HMCN2: variants seen among roughly 807,000 people sequenced by gnomAD.
HMCN2 encodes hemicentin 2.
HMCN2 carries 325 observed loss-of-function variants against 377.5 expected under a neutral mutation model. That is an observed-to-expected ratio of 0.86 (90% CI 0.79 to 0.94). The LOEUF is 0.94. Among genes scored for constraint, HMCN2 ranks in the 40% least tolerant of loss-of-function variants. The probability of loss-of-function intolerance (pLI) is 0.00; values close to 1 mark genes in which losing one functional copy is unlikely to be tolerated. For synonymous variants in HMCN2, 2,007 were observed against 2,046.8 expected (o/e 0.98, Z 0.53); for missense variants, 4,543 against 4,725.3 (o/e 0.96, Z 1.13).
At chr9:130,389,640 T>A (rs1285020762) in intron 62 of HMCN2, among the ~76,000 whole-genome samples, 1 of 151,874 alleles carries the variant, frequency 6.6e-6, no homozygotes, top group Non-Finnish European at 1.5e-5. Context: ...AGTGCCACAA[T>A]CTCGGCTCAC....
chr9:130,325,104 T>C (rs1258923899), intron 19 of HMCN2, among the ~76,000 whole-genome samples: 1 of 149,876 alleles, frequency 6.7e-6, no homozygotes, highest in African/African-American at 2.4e-5. Context: ...TTCTTTTTTT[T>C]TTTTTTTGTA....
Position 130,396,190 on chromosome 9 carries a change from G to C in HMCN2, c.11075G>C (p.Gly3692Ala). 7.8e-7 allele frequency: 1 copy of C among 1,280,864 alleles called. No individual in the cohort carries two copies. The highest frequency in any genetic ancestry group is 1.0e-6 in the Non-Finnish European group (1 of 981,862). 79.3% of individuals were successfully genotyped at this position (1,280,864 alleles called of 1,614,324 possible). ...EIHTVPTIRS[G>A]PPAVNVSVNQ... ...CCAGCGGTGCCCACCATCCGGTCAG[G>C]ACCACCTGCAGTGAACGTCTCAGTG... is the stretch of plus-strand genomic sequence containing the variant. The change falls in exon 73 of 98, where the codon GGA (glycine) becomes GCA (alanine). Residue 3692 changes from glycine (G) to alanine (A), a missense_variant. Gly to Ala is a moderately conservative substitution (Grantham distance 60). This residue lies in a region of HMCN2 where 1,073 missense variants were observed against 1,319.5 expected (regional missense o/e 0.81). Transcript: ENST00000683500.
At chr9:130,278,052 T>C (rs113121045) in intron 1 of HMCN2, among the ~76,000 whole-genome samples, 67,924 of 83,072 alleles carry the variant, frequency 0.82, 28,267 homozygotes, top group African/African-American at 0.92. Context: ...CCATCATCAT[T>C]ACCACCACCA....
At chr9:130,399,684 C>T (rs908000009) in intron 76 of HMCN2, 52 bp downstream of exon 76, 1 of 1,228,930 alleles carries the variant, frequency 8.1e-7, no homozygotes. Flanking sequence ...GCAGCGCCTT[C>T]CCGCTCTTGG....
chr9:130,369,179 G>T lies in HMCN2; in HGVS notation c.6788-391G>T, dbSNP rs11243797. 0.022 allele frequency among the ~76,000 whole-genome samples: 3,310 copies of T among 152,246 alleles called. 39 individuals are homozygous for T. Among genetic ancestry groups the T allele is most frequent in the Middle Eastern group, 0.058 (17 of 292 alleles). On this transcript the variant is annotated intron_variant, in intron 44 of 97. Coordinates refer to ENST00000683500, the MANE Select transcript of HMCN2 (RefSeq NM_001291815.2). The surrounding 1 kb of genome is among the most constrained non-coding windows in gnomAD (Gnocchi z 4.5). Reference sequence around the variant, plus strand: ...GTGATGAAATGAAATCCCCCAGCCTGGTAAAAATCCTGCTAGAAAATAAAA... The same window carrying T: ...GTGATGAAATGAAATCCCCCAGCCTTGTAAAAATCCTGCTAGAAAATAAAA...
chr9:130,275,351 G>A (rs1554922653), intron 1 of HMCN2, among the ~76,000 whole-genome samples: 1 of 152,212 alleles, frequency 6.6e-6, no homozygotes, highest in African/African-American at 2.4e-5. Context: ...CCACACACTT[G>A]CCTGGGAGCT....
At chr9:130,402,587 G>A (rs370805186) in intron 77 of HMCN2, among the ~76,000 whole-genome samples, 40 of 152,290 alleles carry the variant, frequency 2.6e-4, no homozygotes, top group African/African-American at 8.4e-4. Flanking sequence ...GAAGGAACTC[G>A]CCCATGTCTC....
intron 23 of HMCN2, among the ~76,000 whole-genome samples, chr9:130,339,482 C>CACAGGA (rs1838935610): frequency 6.6e-6 from 1 of 152,154 alleles, no homozygotes; most frequent in Non-Finnish European, 1.5e-5. Flanking sequence ...GTGAGAGAGA[C>CACAGGA]ACAGGAACAG....
Position 130,428,100 on chromosome 9 carries a change from G to A in HMCN2, c.14066-258G>A, listed in dbSNP as rs1396739482. On this transcript the variant is annotated intron_variant, in intron 92 of 97. Transcript: ENST00000683500. The surrounding 1 kb of genome is among the most constrained non-coding windows in gnomAD (Gnocchi z 5.0). The stretch of plus-strand genomic sequence containing the variant: ...CCAAGTCTCCGCTGGGCTCCAAGCC[G>A]GGTGCCCAAGGGGACGTTGTCTGCA... 6.6e-6 allele frequency among the ~76,000 whole-genome samples: 1 copy of A among 152,298 alleles called. No homozygotes were observed. The highest frequency in any genetic ancestry group is 1.5e-5 in the Non-Finnish European group (1 of 68,020).
At position 130,383,572 on chromosome 9, in the gene HMCN2, T is replaced by C. The variant is rs1225917560; in HGVS notation, c.8802T>C (p.Ala2934=). 2 of 985,840 alleles carry C rather than the reference T, an allele frequency of 2.0e-6. No individual in the cohort carries two copies. Among genetic ancestry groups the C allele is most frequent in the African/African-American group, 3.5e-5 (2 of 57,230 alleles). The allele number at this position is 985,840 out of a possible 1,614,324, so 61.1% of individuals were successfully genotyped here. ...TGGCCGAGAACCAGGCGGGCTCCGC[T>C]GAGAAGCTCTTCACCCTCAGGGTTC... is the stretch of plus-strand genomic sequence containing the variant. The part of the protein sequence containing the change: ...MCVAENQAGS[A]EKLFTLRVQV... The change falls in exon 57 of 98, where the codon GCT becomes GCC. Residue 2934 remains alanine (A), a synonymous_variant. Transcript: ENST00000683500.
intron 84 of HMCN2, among the ~76,000 whole-genome samples, chr9:130,409,963 C>A (rs971411100): frequency 6.6e-6 from 1 of 152,172 alleles, no homozygotes; most frequent in South Asian, 2.1e-4. Context: ...TGTGAGCCAG[C>A]GCGCCACCTG....
In HMCN2 at chr9:130,431,464, C is replaced by G. The variant is rs1392741112; in HGVS notation, c.14745C>G (p.Leu4915=). The G allele has an allele frequency of 1.3e-6, 2 of 1,549,652 alleles. No individual in the cohort carries two copies. The highest frequency in any genetic ancestry group is 2.7e-5 in the African/African-American group (2 of 73,052). The change falls in exon 96 of 98, where the codon CTC becomes CTG. Residue 4915 remains leucine, a synonymous_variant. Transcript: ENST00000683500. ...QCLCPAGYRL[L]PSGKNCQDIN... ...TGTGCCCCGCCGGCTACCGTCTGCT[C>G]CCCAGCGGGAAGAACTGCCAGGGTG...
chr9:130,426,981 C>G (rs1193162923), intron 90 of HMCN2, among the ~76,000 whole-genome samples: 3 of 152,174 alleles, frequency 2.0e-5, no homozygotes, highest in Non-Finnish European at 4.4e-5. Flanking sequence ...CCCCTCCGCA[C>G]GGTCTCTGTG....
intron 22 of HMCN2, among the ~76,000 whole-genome samples, chr9:130,337,329 C>G (rs1284764344): frequency 1.3e-5 from 2 of 152,054 alleles, no homozygotes; most frequent in Admixed American, 6.6e-5. Flanking sequence ...CAGTTCTGGA[C>G]GTAAGAGCAC....
intron 25 of HMCN2, among the ~76,000 whole-genome samples, chr9:130,345,419 G>T: frequency 6.7e-6 from 1 of 150,158 alleles, no homozygotes; most frequent in African/African-American, 2.4e-5. Flanking sequence ...GTATGTTGGT[G>T]TGTGGTGTGT....
chr9:130,283,019 C>T (rs987510117), intron 1 of HMCN2, among the ~76,000 whole-genome samples: 5 of 152,040 alleles, frequency 3.3e-5, no homozygotes, highest in Admixed American at 1.3e-4. Context: ...TGCAGTGAGC[C>T]GAGATCATGC....
intron 1 of HMCN2, among the ~76,000 whole-genome samples, chr9:130,277,215 C>G (rs561846168): frequency 1.3e-5 from 2 of 152,378 alleles, no homozygotes; most frequent in East Asian, 3.9e-4. Flanking sequence ...TGGTTCCAGG[C>G]CAGGCTTCTG....
Position 130,424,865 on chromosome 9 carries a change from C to A in HMCN2, c.13471C>A (p.Leu4491Met). Residue 4491 changes from leucine to methionine, a missense_variant, in exon 88 of 98, where the codon CTG becomes ATG. Transcript: ENST00000683500. ...ESGEALNGHS[L>M]TGGRFRQESH... ...TGGGGAAGCCCTGAATGGCCACTCTCTGACTGGGGGCAGGTTCCGGCAGGA... is the reference window on the plus strand; with the variant it reads ...TGGGGAAGCCCTGAATGGCCACTCTATGACTGGGGGCAGGTTCCGGCAGGA... The A allele has an allele frequency of 1.4e-6, 2 of 1,470,328 alleles. No individual in the cohort carries two copies. The highest frequency in any genetic ancestry group is 1.8e-6 in the Non-Finnish European group (2 of 1,105,606). The allele number at this position is 1,470,328 out of a possible 1,614,324, so 91.1% of individuals were successfully genotyped here. A position where few individuals can be genotyped will look rare whatever the true frequency, so the allele number is the denominator to read the frequency against.
intron 1 of HMCN2, among the ~76,000 whole-genome samples, chr9:130,278,030 T>TCAC (rs1834878601): frequency 1.1e-5 from 1 of 91,856 alleles, no homozygotes; most frequent in East Asian, 3.9e-4. Flanking sequence ...ACCACCACGA[T>TCAC]CATCACCACC....
Sources: allele counts gnomAD v4.1 joint callset (sites outside exome capture counted in the v4.1 genomes callset), GRCh38; gene constraint gnomAD v4.1.1; regional missense constraint gnomAD v4.1.1; non-coding constraint Gnocchi (gnomAD v3.1); transcripts MANE v1.5; gene names NCBI Gene and HGNC (gene_info 2026-07-23, HGNC 2026-07-21).